The following HEPHL1 variants were observed in gnomAD, a reference collection of about 807,000 sequenced individuals.
The protein encoded by HEPHL1 is ferroxidase HEPHL1.
HEPHL1 carries 123 observed loss-of-function variants against 122.0 expected under a neutral mutation model. The observed-to-expected ratio is 1.01, with a 90% confidence interval of 0.87 to 1.17. The LOEUF (loss-of-function observed/expected upper bound fraction) is 1.17, where lower values mean the gene tolerates loss of function less well. Among genes scored for constraint, HEPHL1 ranks in the 50% most tolerant of loss-of-function variants. HEPHL1 has a pLI of 0.00. For missense variants in HEPHL1, 1,452 were observed against 1,430.5 expected (o/e 1.01, Z -0.24); for synonymous variants, 527 against 508.9 (o/e 1.04, Z -0.48).
chr11:94,096,114 G>A (rs985332833), intron 13 of HEPHL1, among the ~76,000 whole-genome samples: 11 of 152,318 alleles, frequency 7.2e-5, no homozygotes, highest in African/African-American at 2.6e-4. Context: ...CAAAGGGAAT[G>A]CTTCCAGTTT....
At chr11:94,043,190 C>T (rs943887881) in intron 1 of HEPHL1, among the ~76,000 whole-genome samples, 3 of 151,876 alleles carry the variant, frequency 2.0e-5, no homozygotes, top group Admixed American at 6.6e-5. Flanking sequence ...AATAGTCTTA[C>T]GATGATGAAA....
At position 94,101,182 on chromosome 11, in the gene HEPHL1, G is replaced by A. The variant is rs574515885; in HGVS notation, c.2435-13G>A. ...GCAATAATAATGCACACAGGCCTGT[G>A]TTTTGCCTTTAGGCCCAATGATTCA... is the stretch of plus-strand genomic sequence containing the variant. On this transcript the variant is annotated splice_polypyrimidine_tract_variant and intron_variant, in intron 13 of 19. Transcript: ENST00000315765. 1.9e-6 allele frequency: 3 copies of A among 1,613,552 alleles called. No homozygotes were observed. Among genetic ancestry groups the A allele is most frequent in the Middle Eastern group, 1.7e-4 (1 of 6,058 alleles).
chr11:94,113,423 T>C lies in HEPHL1; in HGVS notation c.*1529T>C, dbSNP rs557148818. The C allele has an allele frequency of 6.6e-6, 1 of 152,236 alleles. No individual in the cohort carries two copies. Among genetic ancestry groups the C allele is most frequent in the Non-Finnish European group, 1.5e-5 (1 of 68,034 alleles). The allele number at this position is 152,236 out of a possible 1,614,324, so 9.4% of individuals were successfully genotyped here. On this transcript the variant is annotated 3_prime_UTR_variant, in exon 20 of 20. Transcript: ENST00000315765. ...GAAATGGGTAATTGGATAGAAGCTA[T>C]AGTCTTAACATAAAAGGGGATGCAA...
chr11:94,099,406 G>C (rs868401938), intron 13 of HEPHL1, among the ~76,000 whole-genome samples: 3 of 152,166 alleles, frequency 2.0e-5, no homozygotes, highest in South Asian at 2.1e-4. Flanking sequence ...GGCCGTGTGA[G>C]GTGTCAGTCT....
At chr11:94,024,053 G>A (rs946033732) in intron 1 of HEPHL1, among the ~76,000 whole-genome samples, 2 of 152,198 alleles carry the variant, frequency 1.3e-5, no homozygotes, top group African/African-American at 4.8e-5. Flanking sequence ...AGGAGCCATC[G>A]TGGATGATGT....
rs1946110512 is a variant in HEPHL1 at position 94,075,227 on chromosome 11, T to C, written c.1558T>C (p.Trp520Arg). The C allele has an allele frequency of 6.2e-7, 1 of 1,613,462 alleles. No homozygotes were observed. The highest frequency in any genetic ancestry group is 8.5e-7 in the Non-Finnish European group (1 of 1,179,636). ...ACCAGGTGAAACCTTCACATACAAG[T>C]GGACAGTGCCTGAGAGCGTAAGCCC... ...VKPGETFTYKWTVPESVSPTA... is the reference protein window; with the variant it reads ...VKPGETFTYKRTVPESVSPTA... The change falls in exon 9 of 20, where the codon TGG (tryptophan) becomes CGG (arginine). Residue 520 changes from tryptophan to arginine, a missense_variant. Physicochemically the swap from Trp to Arg is moderately radical, Grantham distance 101. Transcript: ENST00000315765.
At chr11:94,057,654 A>C (rs1399313592) in intron 2 of HEPHL1, among the ~76,000 whole-genome samples, 1 of 151,802 alleles carries the variant, frequency 6.6e-6, no homozygotes, top group Admixed American at 6.6e-5. Flanking sequence ...CTATTTGTTG[A>C]GTTGTTTTTC....
intron 1 of HEPHL1, among the ~76,000 whole-genome samples, chr11:94,045,152 C>A (rs1173461004): frequency 6.6e-6 from 1 of 152,206 alleles, no homozygotes; most frequent in Non-Finnish European, 1.5e-5. Context: ...AAGAGATCTG[C>A]CTGCCTTGGC....
intron 13 of HEPHL1, among the ~76,000 whole-genome samples, chr11:94,096,516 G>A (rs1033301103): frequency 3.9e-5 from 6 of 152,178 alleles, no homozygotes; most frequent in Non-Finnish European, 7.3e-5. Context: ...TTGGTATCAG[G>A]ATGATGCTGG....
At chr11:94,058,696 T>C (rs1945960578) in intron 2 of HEPHL1, among the ~76,000 whole-genome samples, 1 of 152,070 alleles carries the variant, frequency 6.6e-6, no homozygotes, top group Admixed American at 6.6e-5. Flanking sequence ...TATTTAAAAA[T>C]AAATTTTATT....
At chr11:94,086,483 C>T (rs1029390437) in intron 11 of HEPHL1, among the ~76,000 whole-genome samples, 21 of 152,212 alleles carry the variant, frequency 1.4e-4, no homozygotes, top group African/African-American at 4.8e-4. Flanking sequence ...AAAATTCAGC[C>T]CTGATAAAGT....
intron 2 of HEPHL1, among the ~76,000 whole-genome samples, chr11:94,062,275 C>T (rs1386609291): frequency 1.3e-5 from 2 of 152,120 alleles, no homozygotes; most frequent in Non-Finnish European, 2.9e-5. Flanking sequence ...TAATACTTTT[C>T]ATATGGGATT....
rs147196389 is a variant in HEPHL1 at position 94,081,664 on chromosome 11, C to G, written c.1717-754C>G. ...AGTTATATGAATTCATTATTTCACT[C>G]AAAAATGTATACTTGATGCCTGCTT... is the stretch of plus-strand genomic sequence containing the variant. On this transcript the variant is annotated intron_variant, in intron 9 of 19. Coordinates refer to ENST00000315765, the MANE Select transcript of HEPHL1 (RefSeq NM_001098672.2). 3.3e-5 allele frequency among the ~76,000 whole-genome samples: 5 copies of G among 152,172 alleles called. No individual in the cohort carries two copies. The East Asian group carries it at 9.7e-4, about 29-fold the overall frequency.
rs150158007 is a variant in HEPHL1 at position 94,053,384 on chromosome 11, T to C, written c.415+7467T>C. 7.5e-3 allele frequency among the ~76,000 whole-genome samples: 1,140 copies of C among 152,216 alleles called. 13 individuals are homozygous for C. The highest frequency in any genetic ancestry group is 0.026 in the African/African-American group (1,070 of 41,566). On this transcript the variant is annotated intron_variant, in intron 2 of 19. Transcript: ENST00000315765. ...CAGTCTAAATGAAGTTGTCTCAATT[T>C]TGTTGATCTTTTCTAAGTACCAACT...
At chr11:94,047,188 C>T (rs1300211751) in intron 2 of HEPHL1, among the ~76,000 whole-genome samples, 1 of 152,156 alleles carries the variant, frequency 6.6e-6, no homozygotes, top group East Asian at 1.9e-4. Context: ...ACTATGAATG[C>T]ATTTTCTTTA....
chr11:94,045,535 C>T (rs1015668629), intron 1 of HEPHL1, 138 bp from the exon 2 acceptor site: 21 of 689,044 alleles, frequency 3.0e-5, no homozygotes, highest in Non-Finnish European at 3.8e-5. Context: ...GATAATCTTC[C>T]GAGCCCTACA....
At chr11:94,055,333 A>G (rs1945927946) in intron 2 of HEPHL1, 1 of 262,268 alleles carries the variant, frequency 3.8e-6, no homozygotes, top group Non-Finnish European at 7.7e-6. Context: ...AGATGTGTCA[A>G]GGACACATCA....
chr11:94,086,215 T>A, intron 11 of HEPHL1, 26 bp downstream of exon 11: 1 of 1,553,200 alleles, frequency 6.4e-7, no homozygotes, highest in Non-Finnish European at 8.8e-7. Context: ...CCATCTCAGG[T>A]GACCAGATTT....
At position 94,063,632 on chromosome 11, in the gene HEPHL1, C is replaced by G; in HGVS notation, c.540C>G (p.Asn180Lys). The G allele has an allele frequency of 6.2e-7, 1 of 1,613,942 alleles. No individual in the cohort carries two copies. Among genetic ancestry groups the G allele is most frequent in the African/African-American group, 1.3e-5 (1 of 75,042 alleles). ...ATGCACCTACTCCAGCCGATGCCAACTGCCTGACCTGGGTGTACCATTCGC... is the reference window on the plus strand; with the variant it reads ...ATGCACCTACTCCAGCCGATGCCAAGTGCCTGACCTGGGTGTACCATTCGC... Reference protein sequence around the residue: ...EEYAPTPADANCLTWVYHSHI... With the variant: ...EEYAPTPADAKCLTWVYHSHI... The change falls in exon 3 of 20, where the codon AAC becomes AAG. Residue 180 changes from asparagine to lysine, a missense_variant. Transcript: ENST00000315765.
Sources: gnomAD v4.1 joint callset for allele counts (sites outside exome capture counted in the v4.1 genomes callset) on GRCh38, gnomAD v4.1.1 for gene constraint, MANE v1.5 for transcripts, NCBI Gene and HGNC (gene_info 2026-07-23, HGNC 2026-07-21) for gene names.